The following RYR2 variants were observed in gnomAD, a reference collection of about 807,000 sequenced individuals.
RYR2 encodes ryanodine receptor 2.
RYR2 carries 227 observed loss-of-function variants against 601.1 expected under a neutral mutation model. That is an observed-to-expected ratio of 0.38 (90% CI 0.34 to 0.42). RYR2 has a LOEUF of 0.42. Ranked by LOEUF, RYR2 falls within the 10% of genes least tolerant of loss-of-function variation. The pLI, the probability that RYR2 is intolerant of heterozygous loss-of-function variation, is 1.00. For missense variants in RYR2, 4,646 were observed against 6,156.5 expected, an observed-to-expected ratio of 0.75 and a Z score of 8.21; for synonymous variants, 2,223 against 2,175.1, an observed-to-expected ratio of 1.02 and a Z score of -0.61.
rs779762647 is a variant in RYR2 at position 237,792,176 on chromosome 1, A to T, written c.13635A>T (p.Thr4545=). 17 of 1,612,970 alleles carry T rather than the reference A, an allele frequency of 1.1e-5. No individual in the cohort carries two copies. The highest frequency in any genetic ancestry group is 1.4e-5 in the Non-Finnish European group (16 of 1,179,526). Residue 4545 remains threonine (T), a synonymous_variant, in exon 94 of 105, where the codon ACA becomes ACT. Transcript: ENST00000366574. ...TRSSSENAKV[T]SLDSSSHRII... is the part of the protein sequence containing the mutation. ...GTTCAAGTGAAAATGCCAAAGTGAC[A>T]AGCCTGGACAGCAGCTCCCATAGAA... is the stretch of plus-strand genomic sequence containing the variant.
At chr1:237,415,720 A>T (rs889976485) in intron 10 of RYR2, among the ~76,000 whole-genome samples, 3 of 152,232 alleles carry the variant, frequency 2.0e-5, no homozygotes, top group African/African-American at 7.2e-5. Flanking sequence ...GAATAAAAGA[A>T]ACTTAAGACC....
chr1:237,784,929 T>A lies in RYR2; in HGVS notation c.13217T>A (p.Met4406Lys), dbSNP rs747067504. 6.2e-7 allele frequency: 1 copy of A among 1,607,072 alleles called. No homozygotes were observed. The highest frequency in any genetic ancestry group is 8.5e-7 in the Non-Finnish European group (1 of 1,176,542). The change falls in exon 90 of 105, where the codon ATG becomes AAG. Residue 4406 changes from methionine to lysine, a missense_variant. Coordinates refer to ENST00000366574, the MANE Select transcript of RYR2 (RefSeq NM_001035.3). This position sits in a 1 kb window ranked among gnomAD's most constrained non-coding sequence, Gnocchi z 7.1. ...HNPNAGLSDL[M>K]SNPVPMPEVQ... is the part of the protein sequence containing the mutation. ...CCAAATGCTGGGCTCAGTGACCTCA[T>A]GAGCAACCCAGTCCCCATGCCTGAG... is the stretch of plus-strand genomic sequence containing the variant.
chr1:237,448,304 A>G (rs530599416), intron 14 of RYR2, among the ~76,000 whole-genome samples: 3 of 151,998 alleles, frequency 2.0e-5, no homozygotes, highest in African/African-American at 7.2e-5. Context: ...ATATTCGGGG[A>G]TTTCCTGAGT....
intron 71 of RYR2, 56 bp from the exon 72 acceptor site, chr1:237,717,142 G>A: frequency 6.6e-7 from 1 of 1,513,646 alleles, no homozygotes; most frequent in South Asian, 1.2e-5. Flanking sequence ...GAGTCATAGT[G>A]GTTCTACATG....
chr1:237,321,006 G>A (rs1415965737), intron 2 of RYR2, among the ~76,000 whole-genome samples: 1 of 150,620 alleles, frequency 6.6e-6, no homozygotes, highest in African/African-American at 2.4e-5. Flanking sequence ...TACCACAAAT[G>A]GACAGGGCAA....
chr1:237,529,459 T>C (rs1667902535), intron 24 of RYR2, among the ~76,000 whole-genome samples: 1 of 152,150 alleles, frequency 6.6e-6, no homozygotes, highest in Non-Finnish European at 1.5e-5. Context: ...TACATATAGA[T>C]ACTTGTCTAT....
rs192371706 is a variant in RYR2 at position 237,418,919 on chromosome 1, A to G, written c.848+1796A>G. ...AAAAGAAAATTTTTATTGGAAATGC[A>G]TATCATAATGAGATGGAAAAAGAAG... On this transcript the variant is annotated intron_variant, in intron 11 of 104. Transcript: ENST00000366574. 2.2e-3 allele frequency among the ~76,000 whole-genome samples: 341 copies of G among 152,148 alleles called. 3 individuals are homozygous for G. The highest frequency in any genetic ancestry group is 6.4e-3 in the East Asian group (33 of 5,178).
rs1572253938 is a variant in RYR2 at position 237,423,203 on chromosome 1, G to A, written c.960G>A (p.Glu320=). 4 of 1,613,698 alleles carry A rather than the reference G, an allele frequency of 2.5e-6. No homozygotes were observed. The highest frequency in any genetic ancestry group is 3.4e-6 in the Non-Finnish European group (4 of 1,179,800). Residue 320 remains glutamate (E), a synonymous_variant, in exon 12 of 105, where the codon GAG becomes GAA. Coordinates refer to ENST00000366574, the MANE Select transcript of RYR2 (RefSeq NM_001035.3). ...EDKNLLLMDK[E]KADVKSTAFT... is the part of the protein sequence containing the mutation. Reference sequence around the variant, plus strand: ...AAAACCTTCTACTCATGGACAAAGAGAAAGCTGATGTAAAATCAACAGCAT... The same window carrying A: ...AAAACCTTCTACTCATGGACAAAGAAAAAGCTGATGTAAAATCAACAGCAT...
rs1428869435 is a variant in RYR2, at chr1:237,770,819, T to A, written c.11489T>A (p.Leu3830Gln). Reference protein sequence around the residue: ...VTEEGSGEKVLQDDEFTCDLF... With the variant: ...VTEEGSGEKVQQDDEFTCDLF... ...GGATTTCCCACAGGAGAAAAGGTTC[T>A]GCAGGACGATGAGTTCACCTGTGAC... Residue 3830 changes from leucine to glutamine, a missense_variant, in exon 85 of 105, where the codon CTG becomes CAG. By Grantham distance (113) the Leu-to-Gln change is moderately radical. Transcript: ENST00000366574. The A allele has an allele frequency of 6.4e-7, 1 of 1,552,920 alleles. No homozygotes were observed. Among genetic ancestry groups the A allele is most frequent in the Non-Finnish European group, 8.7e-7 (1 of 1,146,968 alleles).
intron 2 of RYR2, among the ~76,000 whole-genome samples, chr1:237,288,791 A>G (rs952787787): frequency 2.0e-4 from 31 of 151,972 alleles, no homozygotes; most frequent in African/African-American, 7.5e-4. Context: ...TGGAGTCTGG[A>G]CACTAGATTT....
At chr1:237,338,710 TG>T (rs1343028292) in intron 3 of RYR2, among the ~76,000 whole-genome samples, 2 of 152,200 alleles carry the variant, frequency 1.3e-5, no homozygotes, top group African/African-American at 4.8e-5. Context: ...CTCATTCTTC[TG>T]GTATTATGGT....
At chr1:237,572,603 G>A (rs1259727438) in intron 29 of RYR2, among the ~76,000 whole-genome samples, 1 of 152,118 alleles carries the variant, frequency 6.6e-6, no homozygotes, top group East Asian at 1.9e-4. Flanking sequence ...CTCTATCATA[G>A]AGTTAACACA....
chr1:237,654,678 T>C (rs1185254228), intron 52 of RYR2, among the ~76,000 whole-genome samples: 1 of 152,200 alleles, frequency 6.6e-6, no homozygotes, highest in Admixed American at 6.5e-5. Flanking sequence ...ATGCACAAGG[T>C]TGATAAGTTT....
At chr1:237,541,810 C>T (rs1353892287) in intron 25 of RYR2, among the ~76,000 whole-genome samples, 1 of 151,946 alleles carries the variant, frequency 6.6e-6, no homozygotes, top group Non-Finnish European at 1.5e-5. Flanking sequence ...CTTTTTGAGC[C>T]AGGATGAGCC....
chr1:237,206,611 A>G (rs2149071652), intron 1 of RYR2, among the ~76,000 whole-genome samples: 1 of 152,342 alleles, frequency 6.6e-6, no homozygotes, highest in South Asian at 2.1e-4. Context: ...GTGTCATACT[A>G]TTATATTTAT....
At position 237,106,181 on chromosome 1, in the gene RYR2, C is replaced by T. The variant is rs550546915; in HGVS notation, c.48+63612C>T. Among the ~76,000 whole-genome samples, 156 of 152,222 alleles carry T rather than the reference C, an allele frequency of 1.0e-3. 2 individuals are homozygous for T. Among genetic ancestry groups the T allele is most frequent in the Non-Finnish European group, 1.8e-3 (122 of 68,016 alleles). ...CAATCCTTTGAGCTGAGGGGTAGCT[C>T]GTTCTGATTTTCATTCTGAAAAGAC... On this transcript the variant is annotated intron_variant, in intron 1 of 104. Coordinates refer to ENST00000366574, the MANE Select transcript of RYR2 (RefSeq NM_001035.3). This position sits in a 1 kb window ranked among gnomAD's most constrained non-coding sequence, Gnocchi z 4.4.
At chr1:237,707,368 A>G (rs1395161033) in intron 68 of RYR2, 99 bp downstream of exon 68, 2 of 645,016 alleles carry the variant, frequency 3.1e-6, no homozygotes, top group Non-Finnish European at 4.8e-6. Flanking sequence ...AATTTTTATT[A>G]ATATTTTCTT....
At chr1:237,327,116 C>A (rs1296114514) in intron 2 of RYR2, among the ~76,000 whole-genome samples, 1 of 152,034 alleles carries the variant, frequency 6.6e-6, no homozygotes, top group Admixed American at 6.5e-5. Context: ...CACTACAAAT[C>A]TCTGATGTGT....
At chr1:237,238,684 A>C (rs2149221805) in intron 1 of RYR2, among the ~76,000 whole-genome samples, 2 of 152,304 alleles carry the variant, frequency 1.3e-5, no homozygotes. Flanking sequence ...GTCGTACTGG[A>C]GTTCTCTTCT....
Sources: gnomAD v4.1 joint callset for allele counts (sites outside exome capture counted in the v4.1 genomes callset) on GRCh38, gnomAD v4.1.1 for gene constraint, Gnocchi (gnomAD v3.1) non-coding constraint, MANE v1.5 for transcripts, NCBI Gene and HGNC (gene_info 2026-07-23, HGNC 2026-07-21) for gene names.